NAALADL2: variants seen among roughly 807,000 people sequenced by gnomAD.
NAALADL2 encodes the protein inactive N-acetylated-alpha-linked acidic dipeptidase-like protein 2.
A neutral mutation model predicts 87.2 loss-of-function variants in NAALADL2; 76 were observed. The ratio of observed to expected loss-of-function variants is 0.87; its 90% CI spans 0.72 to 1.05. NAALADL2 has a LOEUF of 1.05. Among genes scored for constraint, NAALADL2 ranks in the 50% least tolerant of loss-of-function variants. NAALADL2 has a pLI of 0.00. For missense variants in NAALADL2, 1,089 were observed against 945.8 expected (o/e 1.15, Z -1.99); for synonymous variants, 354 against 331.0 (o/e 1.07, Z -0.75).
At chr3:175,171,481 A>G (rs1470428941) in intron 2 of NAALADL2, among the ~76,000 whole-genome samples, 1 of 152,076 alleles carries the variant, frequency 6.6e-6, no homozygotes, top group East Asian at 1.9e-4. Flanking sequence ...ATCAGACAAA[A>G]TGTATAATTA....
At chr3:175,165,557 A>G (rs1733874709) in intron 2 of NAALADL2, among the ~76,000 whole-genome samples, 1 of 152,204 alleles carries the variant, frequency 6.6e-6, no homozygotes, top group Non-Finnish European at 1.5e-5. Context: ...AAAAAAATAT[A>G]ATGGTGGTAA....
intron 2 of NAALADL2, among the ~76,000 whole-genome samples, chr3:174,643,332 T>G (rs1285785786): frequency 6.6e-6 from 1 of 152,036 alleles, no homozygotes; most frequent in Admixed American, 6.6e-5. Context: ...GAACAGAGAA[T>G]GACTACAGTA....
chr3:175,417,388 A>T (rs548897711), intron 5 of NAALADL2, among the ~76,000 whole-genome samples: 6 of 152,162 alleles, frequency 3.9e-5, no homozygotes, highest in Middle Eastern at 3.4e-3. Flanking sequence ...AGTCAGTAGT[A>T]AAGTGTTTTG....
At chr3:175,284,975 G>T (rs1382387481) in intron 4 of NAALADL2, among the ~76,000 whole-genome samples, 1 of 152,018 alleles carries the variant, frequency 6.6e-6, no homozygotes, top group Admixed American at 6.6e-5. Context: ...TTAAAACCAT[G>T]GTGTAAAGGT....
intron 2 of NAALADL2, among the ~76,000 whole-genome samples, chr3:175,182,550 G>GTTTTTGTTTTTT (rs1736725295): frequency 1.4e-5 from 1 of 69,440 alleles, no homozygotes; most frequent in African/African-American, 6.0e-5. Flanking sequence ...ACCACAGCCA[G>GTTTTTGTTTTTT]TTTTTTTTTT....
At chr3:174,952,264 C>G (rs1441125894) in intron 1 of NAALADL2, among the ~76,000 whole-genome samples, 1 of 152,114 alleles carries the variant, frequency 6.6e-6, no homozygotes, top group African/African-American at 2.4e-5. Flanking sequence ...ATCTTCAGCA[C>G]TCAGCACTTA....
At chr3:175,297,181 T>C (rs1756494926) in intron 4 of NAALADL2, among the ~76,000 whole-genome samples, 2 of 152,226 alleles carry the variant, frequency 1.3e-5, no homozygotes, top group South Asian at 4.1e-4. Flanking sequence ...CTAAAATATT[T>C]ACTATCTGGC....
intron 4 of NAALADL2, among the ~76,000 whole-genome samples, chr3:175,264,845 T>G (rs1209644230): frequency 2.6e-5 from 4 of 151,670 alleles, no homozygotes; most frequent in Non-Finnish European, 4.4e-5. Context: ...ATTACATTTA[T>G]AGAATAGTTT....
At chr3:175,134,690 G>C (rs1264188569) in intron 2 of NAALADL2, among the ~76,000 whole-genome samples, 1 of 132,682 alleles carries the variant, frequency 7.5e-6, no homozygotes, top group Admixed American at 7.9e-5. Context: ...GGAACAATAA[G>C]TAAGGGAGAT....
At chr3:175,216,637 A>T (rs1742559223) in intron 2 of NAALADL2, among the ~76,000 whole-genome samples, 1 of 148,276 alleles carries the variant, frequency 6.7e-6, no homozygotes, top group African/African-American at 2.5e-5. Context: ...GCAGATGTTG[A>T]CAAGCAATTT....
chr3:175,206,647 T>C (rs1240053075), intron 2 of NAALADL2, among the ~76,000 whole-genome samples: 29 of 151,848 alleles, frequency 1.9e-4, no homozygotes, highest in Admixed American at 1.9e-3. Context: ...ATCTCACAAA[T>C]CACCACTAAA....
At chr3:175,013,781 C>T (rs924671858) in intron 1 of NAALADL2, among the ~76,000 whole-genome samples, 5 of 152,044 alleles carry the variant, frequency 3.3e-5, no homozygotes, top group African/African-American at 1.2e-4. Flanking sequence ...TCGTAAGACC[C>T]AGCTCTTTGG....
chr3:174,961,714 C>T (rs776965338), intron 1 of NAALADL2, among the ~76,000 whole-genome samples: 4 of 152,016 alleles, frequency 2.6e-5, no homozygotes, highest in South Asian at 2.1e-4. Flanking sequence ...GAGTAGAAGA[C>T]GTCTGGCAGG....
chr3:175,210,196 A>G (rs1741564060), intron 2 of NAALADL2, among the ~76,000 whole-genome samples: 1 of 151,710 alleles, frequency 6.6e-6, no homozygotes, highest in Non-Finnish European at 1.5e-5. Context: ...TGGCTAAACA[A>G]AACATGAAAA....
intron 1 of NAALADL2, among the ~76,000 whole-genome samples, chr3:174,495,829 C>T (rs191027439): frequency 1.3e-5 from 2 of 152,214 alleles, no homozygotes; most frequent in East Asian, 3.9e-4. Flanking sequence ...AATTCAATTT[C>T]AGTGGAACTG....
intron 2 of NAALADL2, among the ~76,000 whole-genome samples, chr3:174,644,966 C>T (rs993137580): frequency 2.6e-5 from 4 of 152,058 alleles, no homozygotes; most frequent in South Asian, 2.1e-4. Context: ...GAGTAGATGC[C>T]GTGATGGGAA....
chr3:174,955,670 T>G (rs947177801), intron 1 of NAALADL2, among the ~76,000 whole-genome samples: 2 of 152,110 alleles, frequency 1.3e-5, no homozygotes, highest in African/African-American at 2.4e-5. Flanking sequence ...TATCAGAGCC[T>G]GAGGCTACTG....
At chr3:175,705,210 C>T (rs1265314686) in intron 11 of NAALADL2, among the ~76,000 whole-genome samples, 1 of 152,002 alleles carries the variant, frequency 6.6e-6, no homozygotes, top group Non-Finnish European at 1.5e-5. Flanking sequence ...TCATTTTATC[C>T]TCATTTCACA....
intron 2 of NAALADL2, among the ~76,000 whole-genome samples, chr3:174,734,033 A>C (rs150999040): frequency 1.4e-4 from 21 of 152,268 alleles, no homozygotes; most frequent in African/African-American, 4.3e-4. Context: ...TTATCCAGAA[A>C]ACCCCAAAAC....
Sources: gnomAD v4.1 joint callset for allele counts (sites outside exome capture counted in the v4.1 genomes callset) on GRCh38, gnomAD v4.1.1 for gene constraint, MANE v1.5 for transcripts, NCBI Gene and HGNC (gene_info 2026-07-23, HGNC 2026-07-21) for gene names.